Variants in LRBA observed in about 807,000 individuals in gnomAD.
The protein encoded by LRBA is lipopolysaccharide-responsive and beige-like anchor protein.
In LRBA, 176 loss-of-function variants were observed where a neutral mutation model predicts 330.0. The ratio of observed to expected loss-of-function variants is 0.53; its 90% CI spans 0.47 to 0.60. LRBA has a LOEUF of 0.60. Ranked by LOEUF, LRBA falls within the 20% of genes least tolerant of loss-of-function variation. LRBA has a pLI of 0.00. For missense variants in LRBA, 3,259 were observed against 3,444.8 expected (o/e 0.95, Z 1.35); for synonymous variants, 1,230 against 1,193.0 (o/e 1.03, Z -0.64).
At chr4:150,752,479 A>C (rs1733691517) in intron 35 of LRBA, among the ~76,000 whole-genome samples, 1 of 152,120 alleles carries the variant, frequency 6.6e-6, no homozygotes, top group Non-Finnish European at 1.5e-5. Context: ...AAATTAATTT[A>C]AATTAAAAAA....
chr4:150,463,422 C>A (rs1755027642), intron 44 of LRBA, among the ~76,000 whole-genome samples: 1 of 151,906 alleles, frequency 6.6e-6, no homozygotes, highest in African/African-American at 2.4e-5. Context: ...AAAATGAATG[C>A]CATTACAATT....
intron 40 of LRBA, among the ~76,000 whole-genome samples, chr4:150,570,489 C>T (rs1008923801): frequency 2.6e-5 from 4 of 152,048 alleles, no homozygotes; most frequent in Non-Finnish European, 5.9e-5. Context: ...ACAAGCATTG[C>T]AAATGCCCTT....
At chr4:150,527,040 T>G (rs2152187647) in intron 40 of LRBA, among the ~76,000 whole-genome samples, 1 of 151,976 alleles carries the variant, frequency 6.6e-6, no homozygotes, top group South Asian at 2.1e-4. Flanking sequence ...GAAACTGGGT[T>G]ATTTAATCTA....
chr4:151,008,914 G>A (rs1187955548), intron 2 of LRBA, among the ~76,000 whole-genome samples: 1 of 132,776 alleles, frequency 7.5e-6, no homozygotes, highest in Non-Finnish European at 1.5e-5. Flanking sequence ...AGGTTGCAGT[G>A]AGCCAAGATC....
At chr4:150,778,404 G>A (rs1737720449) in intron 34 of LRBA, among the ~76,000 whole-genome samples, 1 of 152,048 alleles carries the variant, frequency 6.6e-6, no homozygotes, top group South Asian at 2.1e-4. Flanking sequence ...AGATAACCAT[G>A]CAAATCAATT....
chr4:150,871,015 G>GCA (rs1334607914), intron 19 of LRBA, among the ~76,000 whole-genome samples: 1 of 152,096 alleles, frequency 6.6e-6, no homozygotes, highest in Non-Finnish European at 1.5e-5. Context: ...AGGCTGAAGT[G>GCA]GGTAGATCGC....
chr4:150,907,949 T>G (rs1037961293), intron 11 of LRBA, among the ~76,000 whole-genome samples: 61 of 152,244 alleles, frequency 4.0e-4, no homozygotes, highest in African/African-American at 1.4e-3. Context: ...ATATGAAAAG[T>G]TAAGTTCCAT....
At chr4:150,305,575 T>C (rs368709862) in intron 52 of LRBA, among the ~76,000 whole-genome samples, 17 of 152,124 alleles carry the variant, frequency 1.1e-4, no homozygotes, top group African/African-American at 3.9e-4. Context: ...CCCAGACTGG[T>C]ATATAATTAT....
chr4:150,526,618 T>C (rs1316712440), intron 40 of LRBA, among the ~76,000 whole-genome samples: 1 of 152,190 alleles, frequency 6.6e-6, no homozygotes, highest in African/African-American at 2.4e-5. Flanking sequence ...AATAGACTAG[T>C]ATAATGAAAC....
chr4:150,802,027 AAATAAATAAATAAATAAATAAATC>A (rs201851734), intron 33 of LRBA, among the ~76,000 whole-genome samples: 36 of 107,544 alleles, frequency 3.3e-4, no homozygotes, highest in East Asian at 2.3e-3. Flanking sequence ...ATAAATAAAT[AAATAAATAAATAAATAAATAAATC>A]AATAAAATTT....
intron 40 of LRBA, among the ~76,000 whole-genome samples, chr4:150,558,351 A>G (rs767832835): frequency 1.3e-5 from 2 of 152,146 alleles, no homozygotes; most frequent in Non-Finnish European, 2.9e-5. Context: ...CTACTAATTT[A>G]TTTAGCTATT....
chr4:150,333,761 C>T (rs761123077), intron 48 of LRBA, among the ~76,000 whole-genome samples: 2 of 151,986 alleles, frequency 1.3e-5, no homozygotes, highest in Non-Finnish European at 2.9e-5. Context: ...ACTTTAGCTT[C>T]GATATCAGTT....
intron 47 of LRBA, among the ~76,000 whole-genome samples, chr4:150,364,719 A>G (rs1739194975): frequency 1.3e-5 from 2 of 152,100 alleles, no homozygotes; most frequent in African/African-American, 4.8e-5. Context: ...GCATTTTTAA[A>G]ACCAATACTT....
At chr4:150,474,093 C>G (rs1314160229) in intron 42 of LRBA, among the ~76,000 whole-genome samples, 1 of 152,086 alleles carries the variant, frequency 6.6e-6, no homozygotes, top group Non-Finnish European at 1.5e-5. Context: ...TTCTTTCTGA[C>G]ATTTTATAGT....
intron 35 of LRBA, among the ~76,000 whole-genome samples, chr4:150,742,589 C>T (rs1732159807): frequency 6.6e-6 from 1 of 152,048 alleles, no homozygotes; most frequent in Non-Finnish European, 1.5e-5. Flanking sequence ...CACTTTGTAG[C>T]AATGTTTTCA....
intron 40 of LRBA, among the ~76,000 whole-genome samples, chr4:150,586,436 A>G (rs1229359336): frequency 6.6e-6 from 1 of 152,150 alleles, no homozygotes; most frequent in Non-Finnish European, 1.5e-5. Flanking sequence ...AGGAACATAA[A>G]TGTCCTCATT....
chr4:150,837,332 T>G (rs1435751760), intron 28 of LRBA, among the ~76,000 whole-genome samples: 1 of 152,154 alleles, frequency 6.6e-6, no homozygotes, highest in Non-Finnish European at 1.5e-5. Context: ...AGAGCTGAGT[T>G]CAATTCCTGG....
chr4:150,936,681 TA>T (rs1237124282), intron 2 of LRBA, among the ~76,000 whole-genome samples: 4 of 151,858 alleles, frequency 2.6e-5, no homozygotes, highest in Non-Finnish European at 4.4e-5. Flanking sequence ...GATACAACAA[TA>T]AAAAAGACAA....
intron 37 of LRBA, among the ~76,000 whole-genome samples, chr4:150,661,916 A>T (rs969832264): frequency 6.6e-6 from 1 of 152,116 alleles, no homozygotes; most frequent in Non-Finnish European, 1.5e-5. Flanking sequence ...CACCACGCCC[A>T]GCCTCATGTT....
Sources: allele counts gnomAD v4.1 joint callset (sites outside exome capture counted in the v4.1 genomes callset), GRCh38; gene constraint gnomAD v4.1.1; transcripts MANE v1.5; gene names NCBI Gene and HGNC (gene_info 2026-07-23, HGNC 2026-07-21).